Variants in NAGA observed in about 807,000 individuals in gnomAD.
NAGA encodes Acetylgalactosaminidase, alpha-N- (alpha-galactosidase B).
Under a neutral mutation model 45.6 loss-of-function variants are expected in NAGA, and 42 were observed. That is an observed-to-expected ratio of 0.92 (90% CI 0.72 to 1.19). The LOEUF (loss-of-function observed/expected upper bound fraction) is 1.19, where lower values mean the gene tolerates loss of function less well. Ranked by LOEUF, NAGA falls within the 50% of genes most tolerant of loss-of-function variation. The pLI, the probability that NAGA is intolerant of heterozygous loss-of-function variation, is 0.00. For missense variants in NAGA, 493 were observed against 544.8 expected, an observed-to-expected ratio of 0.90 and a Z score of 0.95; for synonymous variants, 176 against 203.1, an observed-to-expected ratio of 0.87 and a Z score of 1.13.
Position 42,060,319 on chromosome 22 carries a change from T to TACCA in NAGA, c.1192_1195dup (p.Tyr399LeufsTer21). On this transcript the variant is annotated frameshift_variant, in exon 9 of 9. Coordinates refer to ENST00000396398, the MANE Select transcript of NAGA (RefSeq NM_000262.3). LOFTEE classifies it high-confidence loss of function. The stretch of plus-strand genomic sequence containing the variant: ...CTCCAGGTTCTTGATGGGATACAGG[T>TACCA]ACCACATCACTACCCCTGAAGGGTT... 1 of 1,613,526 alleles carries TACCA rather than the reference T, an allele frequency of 6.2e-7. No individual in the cohort carries two copies. Among genetic ancestry groups the TACCA allele is most frequent in the Non-Finnish European group, 8.5e-7 (1 of 1,179,926 alleles).
chr22:42,067,767 A>T lies in NAGA; in HGVS notation c.322T>A (p.Tyr108Asn). 1 of 1,612,060 alleles carries T rather than the reference A, an allele frequency of 6.2e-7. No individual in the cohort carries two copies. Among genetic ancestry groups the T allele is most frequent in the South Asian group, 1.1e-5 (1 of 91,068 alleles). ...FPHGIPFLAD[Y>N]VHSLGLKLGI... The stretch of plus-strand genomic sequence containing the variant: ...GGCAGGGCTGGGGTGCGGCTCACGT[A>T]GTCAGCCAGGAAAGGAATGCCATGA... Residue 108 changes from tyrosine (Y) to asparagine (N), a missense_variant and splice_region_variant, in exon 3 of 9, where the codon TAC becomes AAC. Transcript: ENST00000396398.
In NAGA at chr22:42,068,617, C is replaced by A. The variant is rs760870828; in HGVS notation, c.17-43G>T. On this transcript the variant is annotated intron_variant, in intron 1 of 8. Coordinates refer to ENST00000396398, the MANE Select transcript of NAGA (RefSeq NM_000262.3). Reference sequence around the variant, plus strand: ...AGGGGATGGTGACTATCAGTTGCCCCCACAGCTCCAGCCCTCATCCCACCC... The same window carrying A: ...AGGGGATGGTGACTATCAGTTGCCCACACAGCTCCAGCCCTCATCCCACCC... 2.5e-6 allele frequency: 4 copies of A among 1,611,170 alleles called. No individual in the cohort carries two copies. In the South Asian group the frequency reaches 4.4e-5, roughly 18 times the overall value.
intron 2 of NAGA, 97 bp from the exon 3 acceptor site, chr22:42,068,033 A>ATGACC: frequency 8.3e-7 from 1 of 1,211,230 alleles, no homozygotes; most frequent in Non-Finnish European, 1.2e-6. Context: ...TATAAAAACC[A>ATGACC]TGACCTTGCT....
In NAGA at chr22:42,070,527, AAAC is replaced by A; in HGVS notation, c.-233_-231del. 1 of 640,806 alleles carries A rather than the reference AAAC, an allele frequency of 1.6e-6. No homozygotes were observed. The highest frequency in any genetic ancestry group is 2.8e-6 in the Non-Finnish European group (1 of 350,988). 39.7% of individuals were successfully genotyped at this position (640,806 alleles called of 1,614,324 possible). On this transcript the variant is annotated 5_prime_UTR_variant, in exon 1 of 9. Coordinates refer to ENST00000396398, the MANE Select transcript of NAGA (RefSeq NM_000262.3). ...CTTCAGTTCTTCCTTCAGAAATACG[AAAC>A]AACGTGTCTTGGATGTCAGACCTCA...
At position 42,067,309 on chromosome 22, in the gene NAGA, A is replaced by G. The variant is rs1471688324; in HGVS notation, c.325-19T>C. 1.5e-5 allele frequency: 24 copies of G among 1,613,698 alleles called. No homozygotes were observed. The highest frequency in any genetic ancestry group is 2.0e-5 in the Non-Finnish European group (24 of 1,179,990). ...AGTGAACCTGTGGGGGTTTGAGGAC[A>G]CAGTGGGCTCAAGCAGGACCCTCAA... On this transcript the variant is annotated intron_variant, in intron 3 of 8. Transcript: ENST00000396398.
chr22:42,068,478 C>T lies in NAGA; in HGVS notation c.113G>A (p.Cys38Tyr), dbSNP rs1926873527. The T allele has an allele frequency of 6.2e-7, 1 of 1,614,200 alleles. No individual in the cohort carries two copies. Among genetic ancestry groups the T allele is most frequent in the East Asian group, 2.2e-5 (1 of 44,880 alleles). ...TGGGTCCTCATCACAGTTAATGTTG[C>T]AGCGGAAGCGTTCCCAGGCCAGCCA... ...MGWLAWERFR[C>Y]NINCDEDPKN... Residue 38 changes from cysteine to tyrosine, a missense_variant, in exon 2 of 9, where the codon TGC (cysteine) becomes TAC (tyrosine). Coordinates refer to ENST00000396398, the MANE Select transcript of NAGA (RefSeq NM_000262.3).
chr22:42,062,929 G>A lies in NAGA; in HGVS notation c.855C>T (p.Asp285=). The stretch of plus-strand genomic sequence containing the variant: ...TGTTCTGGGCGGAGATGGTACGCAG[G>A]TCTGTGGACATCAAGAGGGGGGCTG... ...VLAAPLLMST[D]LRTISAQNMD... The change falls in exon 7 of 9, where the codon GAC becomes GAT. Residue 285 remains aspartate (D), a synonymous_variant. Transcript: ENST00000396398. 1.9e-6 allele frequency: 3 copies of A among 1,614,146 alleles called. No homozygotes were observed. The highest frequency in any genetic ancestry group is 2.5e-6 in the Non-Finnish European group (3 of 1,179,998).
At chr22:42,061,615 T>A (rs559816548) in intron 7 of NAGA, among the ~76,000 whole-genome samples, 1 of 152,304 alleles carries the variant, frequency 6.6e-6, no homozygotes, top group South Asian at 2.1e-4. Flanking sequence ...TCCATAGTTC[T>A]GTAGGTTTCT....
chr22:42,062,081 G>C (rs1200205443), intron 7 of NAGA, among the ~76,000 whole-genome samples: 2 of 151,854 alleles, frequency 1.3e-5, no homozygotes, highest in Non-Finnish European at 2.9e-5. Context: ...AAAATGGCAA[G>C]ATAACTACCT....
intron 6 of NAGA, among the ~76,000 whole-genome samples, chr22:42,064,689 A>T (rs1441732426): frequency 6.6e-6 from 1 of 152,156 alleles, no homozygotes; most frequent in African/African-American, 2.4e-5. Context: ...CATGGGGGTG[A>T]TGGGGGTGGT....
chr22:42,065,826 C>T lies in NAGA; in HGVS notation c.671G>A (p.Ser224Asn), dbSNP rs1337602088. The change falls in exon 6 of 9, where the codon AGC (serine) becomes AAC (asparagine). Residue 224 changes from serine (S) to asparagine (N), a missense_variant. By Grantham distance (46) the Ser-to-Asn change is conservative (BLOSUM62 1). Coordinates refer to ENST00000396398, the MANE Select transcript of NAGA (RefSeq NM_000262.3). ...NYDDIQDSWW[S>N]VLSILNWFVE... is the part of the protein sequence containing the mutation. ...GAACCAATTCAGGATGGAGAGCACGCTCCACCAGGAGTCCTGGATGTCATC... is the reference window on the plus strand; with the variant it reads ...GAACCAATTCAGGATGGAGAGCACGTTCCACCAGGAGTCCTGGATGTCATC... 1.2e-6 allele frequency: 2 copies of T among 1,614,058 alleles called. No homozygotes were observed. Among genetic ancestry groups the T allele is most frequent in the Non-Finnish European group, 1.7e-6 (2 of 1,180,042 alleles).
chr22:42,070,145 C>T (rs535248353), intron 1 of NAGA, 137 bp downstream of exon 1: 15 of 1,019,554 alleles, frequency 1.5e-5, no homozygotes, highest in Middle Eastern at 2.1e-4. Context: ...GGAAGCATCT[C>T]CTCCCTTCCT....
intron 7 of NAGA, 145 bp from the exon 8 acceptor site, chr22:42,061,212 AC>A: frequency 9.8e-7 from 1 of 1,016,110 alleles, no homozygotes; most frequent in Non-Finnish European, 1.5e-6. Flanking sequence ...GGCCTCCAGC[AC>A]CCCAGCTTAT....
intron 6 of NAGA, among the ~76,000 whole-genome samples, chr22:42,065,511 T>C (rs1296766126): frequency 6.6e-6 from 1 of 152,178 alleles, no homozygotes; most frequent in Non-Finnish European, 1.5e-5. Context: ...CCTGGGGAGA[T>C]GGTTAACAGT....
chr22:42,070,173 A>G, intron 1 of NAGA, 109 bp downstream of exon 1: 1 of 1,271,160 alleles, frequency 7.9e-7, no homozygotes, highest in Admixed American at 1.7e-5. Context: ...TCTAAGTAAA[A>G]GAGAGAGGAA....
rs531903883 is a variant in NAGA, at chr22:42,060,777, T to C, written c.1101+147A>G. On this transcript the variant is annotated intron_variant, in intron 8 of 8. Transcript: ENST00000396398. ...CAGAGCACGGCACTGGCTGCAGCTC[T>C]CAGTGCCTGCAGCTCCCCATGGGCA... is the stretch of plus-strand genomic sequence containing the variant. The C allele has an allele frequency of 4.3e-4, 468 of 1,095,186 alleles. 6 individuals are homozygous for C. In the African/African-American group the frequency reaches 6.2e-3, roughly 15 times the overall value. 67.8% of individuals were successfully genotyped at this position (1,095,186 alleles called of 1,614,324 possible).
chr22:42,067,958 G>C (rs188313327), intron 2 of NAGA, 22 bp from the exon 3 acceptor site: 2 of 1,611,670 alleles, frequency 1.2e-6, no homozygotes, highest in Admixed American at 3.3e-5. Context: ...CAGAGGGATG[G>C]GGTAGCTCAG....
Position 42,059,215 on chromosome 22 carries a change from T to C in NAGA, c.*1064A>G, listed in dbSNP as rs1262011837. 3 of 152,152 alleles carry C rather than the reference T, an allele frequency of 2.0e-5. No homozygotes were observed. Among genetic ancestry groups the C allele is most frequent in the African/African-American group, 7.2e-5 (3 of 41,418 alleles). The allele number at this position is 152,152 out of a possible 1,614,324, so 9.4% of individuals were successfully genotyped here. A position where few individuals can be genotyped will look rare whatever the true frequency, so the allele number is the denominator to read the frequency against. On this transcript the variant is annotated 3_prime_UTR_variant, in exon 9 of 9. Coordinates refer to ENST00000396398, the MANE Select transcript of NAGA (RefSeq NM_000262.3). ...CAGGGAAGACAAGTGCCCTGTAGCCTTGGCTAAAAGAGGAGGGCTTGGGAA... is the reference window on the plus strand; with the variant it reads ...CAGGGAAGACAAGTGCCCTGTAGCCCTGGCTAAAAGAGGAGGGCTTGGGAA...
In NAGA at chr22:42,067,863, TGAG is replaced by T; in HGVS notation, c.223_225del (p.Leu75del). The T allele has an allele frequency of 6.2e-7, 1 of 1,612,688 alleles. No homozygotes were observed. The highest frequency in any genetic ancestry group is 8.5e-7 in the Non-Finnish European group (1 of 1,179,102). ...CCACCGATCCAGCAGTCATCAATGT[TGAG>T]GTATGTGTAGCCCATGTCCCGCCAT... On this transcript the variant is annotated inframe_deletion, in exon 3 of 9. Transcript: ENST00000396398.
Sources: allele counts gnomAD v4.1 joint callset (sites outside exome capture counted in the v4.1 genomes callset), GRCh38; gene constraint gnomAD v4.1.1; transcripts MANE v1.5; gene names NCBI Gene and HGNC (gene_info 2026-07-23, HGNC 2026-07-21).